The following RAD54B variants were observed in gnomAD, a reference collection of about 807,000 sequenced individuals.
RAD54B encodes the protein DNA repair and recombination protein RAD54B.
RAD54B carries 78 observed loss-of-function variants against 95.8 expected under a neutral mutation model. That is an observed-to-expected ratio of 0.81 (90% CI 0.68 to 0.98). RAD54B has a LOEUF of 0.98. Among genes scored for constraint, RAD54B ranks in the 50% least tolerant of loss-of-function variants. The pLI is 0.00. For missense variants in RAD54B, 957 were observed against 1,056.6 expected (o/e 0.91, Z 1.31); for synonymous variants, 328 against 354.9 (o/e 0.92, Z 0.85).
intron 3 of RAD54B, among the ~76,000 whole-genome samples, chr8:94,413,365 T>C (rs1297361624): frequency 1.3e-5 from 2 of 152,184 alleles, no homozygotes; most frequent in Non-Finnish European, 1.5e-5. Flanking sequence ...TTCCAATGCA[T>C]TGGAAGAGAA....
chr8:94,387,322 TA>T, intron 10 of RAD54B, 163 bp from the exon 11 acceptor site: 1 of 584,480 alleles, frequency 1.7e-6, no homozygotes, highest in Non-Finnish European at 2.8e-6. Flanking sequence ...GATCATTTTT[TA>T]AAAAAGTAAC....
chr8:94,378,196 T>C lies in RAD54B; in HGVS notation c.2499A>G (p.Gly833=). ...ATAACTAACCTGTATGAACTTCTTC[T>C]CCTGTACACTCACAGTCAAGCAGAT... ...THDLLDCECT[G]EEVHTGDSLE... Residue 833 remains glycine (G), a synonymous_variant, in exon 14 of 15, where the codon GGA becomes GGG. Transcript: ENST00000336148. The C allele has an allele frequency of 6.2e-7, 1 of 1,610,486 alleles. No individual in the cohort carries two copies. Among genetic ancestry groups the C allele is most frequent in the Non-Finnish European group, 8.5e-7 (1 of 1,178,662 alleles).
intron 3 of RAD54B, among the ~76,000 whole-genome samples, chr8:94,424,333 C>T (rs1367662945): frequency 1.3e-5 from 2 of 152,124 alleles, no homozygotes; most frequent in Non-Finnish European, 2.9e-5. Context: ...CTAATACTTA[C>T]CTCGCAAACC....
chr8:94,411,402 G>A, intron 3 of RAD54B, 87 bp from the exon 4 acceptor site: 1 of 974,376 alleles, frequency 1.0e-6, no homozygotes, highest in Non-Finnish European at 1.5e-6. Flanking sequence ...AAAGGCACAA[G>A]AAAATTAGAT....
intron 2 of RAD54B, among the ~76,000 whole-genome samples, chr8:94,467,022 A>G (rs1813040388): frequency 6.6e-6 from 1 of 152,112 alleles, no homozygotes; most frequent in South Asian, 2.1e-4. Flanking sequence ...TTGACCTCCC[A>G]GGCTCAAGTC....
chr8:94,473,136 ATT>A (rs1235935037), intron 1 of RAD54B, among the ~76,000 whole-genome samples: 1 of 152,184 alleles, frequency 6.6e-6, no homozygotes, highest in Non-Finnish European at 1.5e-5. Context: ...GTATGTTCAT[ATT>A]GTCCTGTCCA....
intron 3 of RAD54B, among the ~76,000 whole-genome samples, chr8:94,419,100 C>A (rs1012185522): frequency 6.6e-6 from 1 of 151,912 alleles, no homozygotes; most frequent in African/African-American, 2.4e-5. Context: ...ACCAGAAAAC[C>A]CTCAACATTC....
chr8:94,437,897 A>G (rs1446116731), intron 3 of RAD54B, among the ~76,000 whole-genome samples: 2 of 152,234 alleles, frequency 1.3e-5, no homozygotes, highest in Non-Finnish European at 2.9e-5. Context: ...TATATGATAC[A>G]TAATAATGTA....
At chr8:94,400,734 T>C (rs1811248314) in intron 6 of RAD54B, among the ~76,000 whole-genome samples, 1 of 152,194 alleles carries the variant, frequency 6.6e-6, no homozygotes, top group African/African-American at 2.4e-5. Flanking sequence ...AGAAATGAAT[T>C]CCAATTTTAT....
rs1810458602 is a variant in RAD54B, at chr8:94,372,283, A to C, written c.2620T>G (p.Trp874Gly). The C allele has an allele frequency of 6.2e-7, 1 of 1,613,576 alleles. No homozygotes were observed. ...KPLSMSQLKQ[W>G]KHFSGDHLNL... ...AAATGATCTCCAGAAAAATGTTTCC[A>C]TTGCTTCAGCTGGGACATAGAAAGA... is the stretch of plus-strand genomic sequence containing the variant. The change falls in exon 15 of 15, where the codon TGG becomes GGG. Residue 874 changes from tryptophan to glycine, a missense_variant. Coordinates refer to ENST00000336148, the MANE Select transcript of RAD54B (RefSeq NM_012415.3).
At chr8:94,391,563 T>TA (rs765177905) in intron 10 of RAD54B, 46 bp downstream of exon 10, 39 of 1,571,958 alleles carry the variant, frequency 2.5e-5, no homozygotes, top group Non-Finnish European at 3.3e-5. Flanking sequence ...TCATATACTA[T>TA]AGAACCCTCA....
intron 3 of RAD54B, 107 bp downstream of exon 3, chr8:94,458,161 A>G: frequency 9.6e-7 from 1 of 1,044,300 alleles, no homozygotes; most frequent in Non-Finnish European, 1.4e-6. Flanking sequence ...TAGTGGTATT[A>G]CATCAACAAT....
At chr8:94,447,007 G>A (rs1053241244) in intron 3 of RAD54B, among the ~76,000 whole-genome samples, 4 of 151,608 alleles carry the variant, frequency 2.6e-5, no homozygotes, top group African/African-American at 9.7e-5. Flanking sequence ...CATAAAAATA[G>A]GGCAAAAACT....
chr8:94,431,121 T>A (rs1012920522), intron 3 of RAD54B: 1 of 948,702 alleles, frequency 1.1e-6, no homozygotes, highest in Non-Finnish European at 1.3e-6. Flanking sequence ...TATTAGAGAT[T>A]TAATATAAAT....
At chr8:94,408,971 T>G (rs1304523472) in intron 4 of RAD54B, among the ~76,000 whole-genome samples, 1 of 152,068 alleles carries the variant, frequency 6.6e-6, no homozygotes, top group Non-Finnish European at 1.5e-5. Context: ...AAGCTTTTCT[T>G]TTACTCTTAA....
intron 3 of RAD54B, among the ~76,000 whole-genome samples, chr8:94,451,657 G>A (rs1225730490): frequency 2.0e-5 from 3 of 152,052 alleles, no homozygotes; most frequent in Admixed American, 2.0e-4. Context: ...CTATTTCCGT[G>A]ATATTTCTGC....
chr8:94,440,140 A>C (rs1283535032), intron 3 of RAD54B, among the ~76,000 whole-genome samples: 3 of 152,128 alleles, frequency 2.0e-5, no homozygotes. Flanking sequence ...CCATCTGATG[A>C]GAATGTATGG....
At chr8:94,379,501 A>T (rs529975987) in intron 12 of RAD54B, among the ~76,000 whole-genome samples, 166 of 152,254 alleles carry the variant, frequency 1.1e-3, no homozygotes, top group Non-Finnish European at 1.9e-3. Context: ...TCTGCCCTGG[A>T]CTCAGTACCT....
At chr8:94,420,052 C>T (rs1811766618) in intron 3 of RAD54B, among the ~76,000 whole-genome samples, 1 of 152,058 alleles carries the variant, frequency 6.6e-6, no homozygotes, top group Non-Finnish European at 1.5e-5. Context: ...AGTCTAGGAA[C>T]CATAGGCTAT....
Sources: allele counts gnomAD v4.1 joint callset (sites outside exome capture counted in the v4.1 genomes callset), GRCh38; gene constraint gnomAD v4.1.1; transcripts MANE v1.5; gene names NCBI Gene and HGNC (gene_info 2026-07-23, HGNC 2026-07-21).